SLC17A1: variants seen among roughly 807,000 people sequenced by gnomAD.
The protein encoded by SLC17A1 is solute carrier family 17 member 1, also known as sodium-dependent phosphate transport protein 1.
In SLC17A1, 51 loss-of-function variants were observed where a neutral mutation model predicts 53.5. The ratio of observed to expected loss-of-function variants is 0.95; its 90% confidence interval spans 0.76 to 1.20. SLC17A1 has a LOEUF of 1.20. SLC17A1 is among the 50% of genes most tolerant of loss of function. SLC17A1 has a pLI of 0.00. For synonymous variants in SLC17A1, 179 were observed against 198.8 expected, an observed-to-expected ratio of 0.90 and a Z score of 0.84; for missense variants, 538 against 568.2, an observed-to-expected ratio of 0.95 and a Z score of 0.54.
chr6:25,769,004 T>C, the SLC17A1 span: 1 of 1,614,084 alleles, frequency 6.2e-7, no homozygotes, highest in Non-Finnish European at 8.5e-7. Context: ...CAGTCCGACA[T>C]GGGCTGGCCC....
Position 25,805,216 on chromosome 6 carries a change from A to G in SLC17A1, c.1179-4236T>C, listed in dbSNP as rs1029678061. The stretch of plus-strand genomic sequence containing the variant: ...ATATCAAGTATCTTCTCAGACCACA[A>G]TGGAATAAAACTAGAAATCAACTAC... On this transcript the variant is annotated intron_variant, in intron 10 of 12. Coordinates refer to ENST00000244527, the MANE Select transcript of SLC17A1 (RefSeq NM_005074.5). Among the ~76,000 whole-genome samples, 6 of 152,054 alleles carry G rather than the reference A, an allele frequency of 3.9e-5. No individual in the cohort carries two copies. In the East Asian group the frequency reaches 7.7e-4, roughly 19 times the overall value.
At chr6:25,730,292 A>G in the SLC17A1 span, among the ~76,000 whole-genome samples, 35 of 152,366 alleles carry the variant, frequency 2.3e-4, 1 homozygote, top group Admixed American at 7.8e-4. Flanking sequence ...GCTAAAGAAA[A>G]TGTGGCATAC....
At chr6:25,732,747 G>T in the SLC17A1 span, 1 of 1,134,426 alleles carries the variant, frequency 8.8e-7, no homozygotes, top group Non-Finnish European at 1.3e-6. Context: ...ATGGCTTAGG[G>T]TGACGTTTTG....
intron 6 of SLC17A1, 143 bp from the exon 7 acceptor site, chr6:25,813,356 C>T: frequency 2.9e-6 from 2 of 689,760 alleles, no homozygotes; most frequent in South Asian, 3.6e-5. Context: ...TTGTGTTTTT[C>T]AGTCCTCCTT....
the SLC17A1 span, chr6:25,769,320 G>A: frequency 1.1e-6 from 1 of 872,878 alleles, no homozygotes; most frequent in Non-Finnish European, 1.7e-6. Context: ...AATGGCACAA[G>A]TACCTAAGTA....
intron 10 of SLC17A1, among the ~76,000 whole-genome samples, chr6:25,802,690 G>T (rs1208125374): frequency 6.6e-6 from 1 of 151,668 alleles, no homozygotes; most frequent in Non-Finnish European, 1.5e-5. Context: ...CAATTGATTG[G>T]CTCTGGCTTT....
the SLC17A1 span, chr6:25,731,923 G>A: frequency 6.2e-6 from 10 of 1,601,994 alleles, no homozygotes; most frequent in Middle Eastern, 1.7e-4. Context: ...TAATGCGCCA[G>A]GCGGGAAGCC....
the SLC17A1 span, among the ~76,000 whole-genome samples, chr6:25,725,941 C>T: frequency 3.6e-3 from 544 of 152,308 alleles, no homozygotes; most frequent in Non-Finnish European, 4.3e-3. Context: ...ATGGAACGCT[C>T]CTTGAAAATT....
At chr6:25,724,337 C>A in the SLC17A1 span, among the ~76,000 whole-genome samples, 1 of 152,180 alleles carries the variant, frequency 6.6e-6, no homozygotes, top group Non-Finnish European at 1.5e-5. Flanking sequence ...GTAGGAGAAT[C>A]ACTTGAACCT....
chr6:25,743,879 T>A, the SLC17A1 span, among the ~76,000 whole-genome samples: 2 of 152,154 alleles, frequency 1.3e-5, no homozygotes, highest in Non-Finnish European at 2.9e-5. Context: ...TGTACAAAAG[T>A]TCATGAGAAT....
At chr6:25,726,677 G>T in the SLC17A1 span, 1 of 1,128,158 alleles carries the variant, frequency 8.9e-7, no homozygotes. Context: ...CGCCTCATTT[G>T]CATTCACGCC....
Position 25,813,075 on chromosome 6 carries a change from T to A in SLC17A1, c.735+20A>T, listed in dbSNP as rs777564382. ...TGGAGTAGAATCTGGGAGATGCCAA[T>A]ATGGAGAACTGTGTTCTACCTGCTG... is the stretch of plus-strand genomic sequence containing the variant. On this transcript the variant is annotated intron_variant, in intron 7 of 12. Coordinates refer to ENST00000244527, the MANE Select transcript of SLC17A1 (RefSeq NM_005074.5). 6 of 1,610,592 alleles carry A rather than the reference T, an allele frequency of 3.7e-6. No homozygotes were observed. In the South Asian group the frequency reaches 6.6e-5, roughly 18 times the overall value.
chr6:25,735,871 C>A, the SLC17A1 span, among the ~76,000 whole-genome samples: 1 of 152,202 alleles, frequency 6.6e-6, no homozygotes, highest in Admixed American at 6.5e-5. Flanking sequence ...ACTGCACTCA[C>A]TGGGGTACCA....
the SLC17A1 span, among the ~76,000 whole-genome samples, chr6:25,758,043 G>A: frequency 1.6e-4 from 25 of 152,208 alleles, no homozygotes; most frequent in Admixed American, 9.8e-4. Context: ...CTCTGCTGCC[G>A]TGGGACGTAT....
intron 12 of SLC17A1, among the ~76,000 whole-genome samples, chr6:25,785,899 T>C (rs1372349674): frequency 3.9e-5 from 6 of 152,216 alleles, no homozygotes; most frequent in African/African-American, 1.4e-4. Context: ...TCTGATGCTG[T>C]GGAGAAGAGT....
the SLC17A1 span, among the ~76,000 whole-genome samples, chr6:25,757,373 G>A: frequency 5.3e-5 from 8 of 151,808 alleles, no homozygotes; most frequent in Admixed American, 3.3e-4. Flanking sequence ...CTTTACATCT[G>A]CTTGGTGCTG....
chr6:25,787,990 T>C (rs536210930), intron 12 of SLC17A1, among the ~76,000 whole-genome samples: 52 of 152,338 alleles, frequency 3.4e-4, no homozygotes, highest in African/African-American at 6.3e-4. Flanking sequence ...GCAAAACCTA[T>C]GTGCTGAGTG....
chr6:25,752,891 G>A, the SLC17A1 span, among the ~76,000 whole-genome samples: 1 of 151,874 alleles, frequency 6.6e-6, no homozygotes, highest in Non-Finnish European at 1.5e-5. Context: ...GACAGAGCTT[G>A]CAGTGAGCCG....
intron 10 of SLC17A1, among the ~76,000 whole-genome samples, chr6:25,807,358 A>G (rs1164211720): frequency 6.6e-6 from 1 of 152,168 alleles, no homozygotes; most frequent in African/African-American, 2.4e-5. Flanking sequence ...CTCAGCCATT[A>G]AAAAGAAGGA....
Sources: gnomAD v4.1 joint callset for allele counts (sites outside exome capture counted in the v4.1 genomes callset) on GRCh38, gnomAD v4.1.1 for gene constraint, MANE v1.5 for transcripts, NCBI Gene and HGNC (gene_info 2026-07-23, HGNC 2026-07-21) for gene names.